CACNB4: variants seen among roughly 807,000 people sequenced by gnomAD.
The protein encoded by CACNB4 is voltage-dependent L-type calcium channel subunit beta-4.
A neutral mutation model predicts 71.2 loss-of-function variants in CACNB4; 32 were observed. That is an observed-to-expected ratio of 0.45 (90% CI 0.34 to 0.60). The LOEUF is 0.60. CACNB4 is among the 20% of genes least tolerant of loss of function. CACNB4 has a pLI of 0.01. For synonymous variants in CACNB4, 231 were observed against 236.9 expected, an observed-to-expected ratio of 0.97 and a Z score of 0.23; for missense variants, 464 against 647.9, an observed-to-expected ratio of 0.72 and a Z score of 3.08.
At chr2:151,911,649 T>C (rs752682784) in intron 2 of CACNB4, among the ~76,000 whole-genome samples, 12 of 152,212 alleles carry the variant, frequency 7.9e-5, no homozygotes, top group Non-Finnish European at 1.8e-4. Context: ...TTTTTTGTTA[T>C]ACCTCTTCCT....
chr2:152,036,749 C>T (rs186893250), intron 2 of CACNB4, among the ~76,000 whole-genome samples: 2 of 152,222 alleles, frequency 1.3e-5, no homozygotes, highest in East Asian at 3.9e-4. Flanking sequence ...TTAGGCTACT[C>T]AGACCATGTT....
chr2:152,010,653 A>C (rs1683002237), intron 2 of CACNB4, among the ~76,000 whole-genome samples: 1 of 152,216 alleles, frequency 6.6e-6, no homozygotes, highest in African/African-American at 2.4e-5. Flanking sequence ...GAACAGATAA[A>C]CGGTGCATGG....
intron 2 of CACNB4, among the ~76,000 whole-genome samples, chr2:151,950,601 T>G (rs2099866687): frequency 6.6e-6 from 1 of 152,222 alleles, no homozygotes; most frequent in Non-Finnish European, 1.5e-5. Context: ...ATGTGGGCTA[T>G]CTAACCATAA....
rs571136602 is a variant in CACNB4, at chr2:151,914,577, T to C, written c.148-31207A>G. On this transcript the variant is annotated intron_variant, in intron 2 of 13. Coordinates refer to ENST00000539935, the MANE Select transcript of CACNB4 (RefSeq NM_000726.5). The stretch of plus-strand genomic sequence containing the variant: ...CTTGCCTTTTGGGTTTTCAGCATTT[T>C]TCATTGATTCTTTCTCATCTTTGTG... 2.0e-5 allele frequency among the ~76,000 whole-genome samples: 3 copies of C among 152,296 alleles called. No individual in the cohort carries two copies. The East Asian group carries it at 5.8e-4, about 29-fold the overall frequency.
intron 10 of CACNB4, chr2:151,857,331 T>C (rs1343031548): frequency 6.6e-6 from 1 of 152,230 alleles, no homozygotes; most frequent in Non-Finnish European, 1.5e-5. Flanking sequence ...CTTTTCATGT[T>C]ATCCAATACC....
rs761518147 is a variant in CACNB4 at position 151,880,927 on chromosome 2, G to C, written c.268-5C>G. 6.3e-7 allele frequency: 1 copy of C among 1,599,732 alleles called. No homozygotes were observed. The highest frequency in any genetic ancestry group is 1.1e-5 in the South Asian group (1 of 88,626). The stretch of plus-strand genomic sequence containing the variant: ...GGCAAATGCTACAGGTTTGGACTAG[G>C]GACAGAACCATGGAATAAGGAATGA... On this transcript the variant is annotated splice_region_variant and splice_polypyrimidine_tract_variant and intron_variant, in intron 3 of 13. Transcript: ENST00000539935.
chr2:151,894,770 T>G (rs2099851586), intron 2 of CACNB4, among the ~76,000 whole-genome samples: 1 of 151,968 alleles, frequency 6.6e-6, no homozygotes, highest in Non-Finnish European at 1.5e-5. Context: ...AATAATAGAC[T>G]CGCTGAAAAA....
At chr2:151,923,088 G>A (rs1046060667) in intron 2 of CACNB4, among the ~76,000 whole-genome samples, 1 of 152,238 alleles carries the variant, frequency 6.6e-6, no homozygotes. Context: ...GCAACAGGTG[G>A]AACCATGGTG....
In CACNB4 at chr2:151,978,760, C is replaced by T. The variant is rs556908574; in HGVS notation, c.148-95390G>A. 3.9e-5 allele frequency among the ~76,000 whole-genome samples: 6 copies of T among 152,212 alleles called. No homozygotes were observed. In the East Asian group the frequency reaches 1.2e-3, roughly 29 times the overall value. ...CTAGGGTGGGATTGCTAAACCTTGCCCCTGATGCCGGCCTGGTCCTCTCAA... is the reference window on the plus strand; with the variant it reads ...CTAGGGTGGGATTGCTAAACCTTGCTCCTGATGCCGGCCTGGTCCTCTCAA... On this transcript the variant is annotated intron_variant, in intron 2 of 13. Coordinates refer to ENST00000539935, the MANE Select transcript of CACNB4 (RefSeq NM_000726.5).
At chr2:151,956,185 G>A (rs759389823) in intron 2 of CACNB4, among the ~76,000 whole-genome samples, 5 of 152,162 alleles carry the variant, frequency 3.3e-5, no homozygotes, top group Admixed American at 1.3e-4. Context: ...TAAAGATGAC[G>A]CATTTTGATG....
intron 2 of CACNB4, among the ~76,000 whole-genome samples, chr2:152,066,402 A>C (rs948106812): frequency 6.6e-6 from 1 of 152,208 alleles, no homozygotes; most frequent in Admixed American, 6.5e-5. Flanking sequence ...AATGCTCACT[A>C]TCACTGGCCA....
At chr2:151,953,779 A>G (rs967258687) in intron 2 of CACNB4, among the ~76,000 whole-genome samples, 1 of 152,200 alleles carries the variant, frequency 6.6e-6, no homozygotes, top group Non-Finnish European at 1.5e-5. Context: ...AAGAGTTATC[A>G]TCTCTAGCAC....
At chr2:151,991,516 G>C (rs1217164703) in intron 2 of CACNB4, among the ~76,000 whole-genome samples, 1 of 152,118 alleles carries the variant, frequency 6.6e-6, no homozygotes, top group Non-Finnish European at 1.5e-5. Flanking sequence ...TTTTGAACTG[G>C]GAGTAGCCAT....
At chr2:151,956,573 G>C (rs900771929) in intron 2 of CACNB4, among the ~76,000 whole-genome samples, 1 of 152,274 alleles carries the variant, frequency 6.6e-6, no homozygotes, top group East Asian at 1.9e-4. Context: ...TCTTTTTGGG[G>C]TGATTAAAAT....
intron 2 of CACNB4, among the ~76,000 whole-genome samples, chr2:151,957,974 T>C (rs1174458604): frequency 6.6e-6 from 1 of 152,202 alleles, no homozygotes. Context: ...TGGGGTTAAA[T>C]AAAATTTAAT....
chr2:152,083,464 G>A (rs572230872), intron 2 of CACNB4, among the ~76,000 whole-genome samples: 6 of 152,256 alleles, frequency 3.9e-5, no homozygotes, highest in South Asian at 2.1e-4. Context: ...GGACAGGATC[G>A]TGGATAAATG....
intron 2 of CACNB4, among the ~76,000 whole-genome samples, chr2:151,958,164 G>A (rs2099868791): frequency 1.3e-5 from 2 of 152,102 alleles, no homozygotes; most frequent in African/African-American, 4.8e-5. Flanking sequence ...CATATAAGAA[G>A]TATGAGAGAC....
At chr2:151,845,624 G>A (rs916993539) in intron 12 of CACNB4, among the ~76,000 whole-genome samples, 3 of 152,232 alleles carry the variant, frequency 2.0e-5, no homozygotes, top group African/African-American at 7.2e-5. Context: ...CTGCAGCATG[G>A]GCTATGGATG....
chr2:151,858,203 T>C (rs1444974978), intron 10 of CACNB4: 1 of 152,232 alleles, frequency 6.6e-6, no homozygotes, highest in Non-Finnish European at 1.5e-5. Context: ...AGTCATGGAC[T>C]ATGATGCTGG....
Sources: allele counts gnomAD v4.1 joint callset (sites outside exome capture counted in the v4.1 genomes callset), GRCh38; gene constraint gnomAD v4.1.1; transcripts MANE v1.5; gene names NCBI Gene and HGNC (gene_info 2026-07-23, HGNC 2026-07-21).